Variants in EPC2 observed in about 807,000 individuals in gnomAD.
EPC2 encodes the protein enhancer of polycomb 2.
EPC2 carries 14 observed loss-of-function variants against 92.1 expected under a neutral mutation model. The observed-to-expected ratio is 0.15, with a 90% confidence interval of 0.10 to 0.24. The LOEUF (loss-of-function observed/expected upper bound fraction) is 0.24. Ranked by LOEUF, EPC2 falls within the 10% of genes least tolerant of loss-of-function variation. The pLI is 1.00. For synonymous variants in EPC2, 340 were observed against 334.7 expected, an observed-to-expected ratio of 1.02 and a Z score of -0.17; for missense variants, 755 against 971.5, an observed-to-expected ratio of 0.78 and a Z score of 2.96.
chr2:148,756,560 A>G (rs931032865), intron 4 of EPC2, among the ~76,000 whole-genome samples: 1 of 152,236 alleles, frequency 6.6e-6, no homozygotes, highest in Admixed American at 6.5e-5. Flanking sequence ...ATTTAATTTT[A>G]AGTCGCTGAA....
chr2:148,764,917 A>G (rs747646029), intron 6 of EPC2, 38 bp from the exon 7 acceptor site: 2 of 1,357,786 alleles, frequency 1.5e-6, no homozygotes, highest in East Asian at 2.6e-5. Context: ...AATGATTTTT[A>G]TTTCTTCCTT....
intron 2 of EPC2, among the ~76,000 whole-genome samples, chr2:148,710,352 G>A (rs1682111821): frequency 1.3e-5 from 2 of 152,170 alleles, no homozygotes; most frequent in African/African-American, 2.4e-5. Context: ...GGAAACAACA[G>A]GTGCTGGAGA....
intron 1 of EPC2, among the ~76,000 whole-genome samples, chr2:148,689,545 G>T (rs1558810363): frequency 6.6e-6 from 1 of 152,098 alleles, no homozygotes; most frequent in Non-Finnish European, 1.5e-5. Context: ...TGGGTGGCAT[G>T]ACACGATTTA....
rs145440091 is a variant in EPC2 at position 148,710,928 on chromosome 2, G to A, written c.313+20555G>A. Among the ~76,000 whole-genome samples, 513 of 152,050 alleles carry A rather than the reference G, an allele frequency of 3.4e-3. 2 individuals are homozygous for A. Among genetic ancestry groups the A allele is most frequent in the African/African-American group, 0.012 (486 of 41,502 alleles). ...GTTCCCATATACCTCCTGTATGCACGCATACACACACACAATCTCCCCCAC... is the reference window on the plus strand; with the variant it reads ...GTTCCCATATACCTCCTGTATGCACACATACACACACACAATCTCCCCCAC... On this transcript the variant is annotated intron_variant, in intron 2 of 13. Transcript: ENST00000258484.
At chr2:148,647,708 C>G (rs1683833358) in intron 1 of EPC2, among the ~76,000 whole-genome samples, 1 of 144,914 alleles carries the variant, frequency 6.9e-6, no homozygotes. Flanking sequence ...TCTCAGCTCA[C>G]TGCAACCTTC....
chr2:148,714,179 T>C (rs1454514149), intron 2 of EPC2, among the ~76,000 whole-genome samples: 3 of 152,002 alleles, frequency 2.0e-5, no homozygotes, highest in African/African-American at 7.2e-5. Context: ...TTTCTGTTTC[T>C]GTGTTAGTTT....
chr2:148,770,709 T>A (rs1398297198), intron 8 of EPC2, 83 bp from the exon 9 acceptor site: 1 of 1,379,012 alleles, frequency 7.3e-7, no homozygotes, highest in Non-Finnish European at 9.6e-7. Context: ...TTGCAGTTAC[T>A]TCATGTTTAT....
intron 1 of EPC2, among the ~76,000 whole-genome samples, chr2:148,679,263 C>T (rs1378910765): frequency 1.3e-5 from 2 of 152,148 alleles, no homozygotes; most frequent in African/African-American, 2.4e-5. Context: ...TAACACTCTT[C>T]TCTAGTAAGG....
intron 3 of EPC2, among the ~76,000 whole-genome samples, chr2:148,748,580 C>A (rs1440844033): frequency 6.6e-6 from 1 of 152,082 alleles, no homozygotes; most frequent in African/African-American, 2.4e-5. Flanking sequence ...GATTATTTCA[C>A]ATTTTGGAAT....
At chr2:148,710,907 C>A (rs1682126306) in intron 2 of EPC2, among the ~76,000 whole-genome samples, 1 of 151,692 alleles carries the variant, frequency 6.6e-6, no homozygotes, top group Admixed American at 6.6e-5. Flanking sequence ...AAGAGAGTTC[C>A]CATATACCTC....
chr2:148,766,679 A>T (rs901860844), intron 7 of EPC2, among the ~76,000 whole-genome samples: 17 of 152,234 alleles, frequency 1.1e-4, no homozygotes, highest in Non-Finnish European at 2.5e-4. Context: ...GGAGCACAAA[A>T]CATAGAAGAG....
At position 148,695,902 on chromosome 2, in the gene EPC2, T is replaced by G. The variant is rs781078100; in HGVS notation, c.313+5529T>G. The stretch of plus-strand genomic sequence containing the variant: ...TTTTGTCAGATTTGTGGAGAACACA[T>G]TACAGGTGAAGCTGGATCTCAATTT... On this transcript the variant is annotated intron_variant, in intron 2 of 13. Coordinates refer to ENST00000258484, the MANE Select transcript of EPC2 (RefSeq NM_015630.4). 2.5e-4 allele frequency among the ~76,000 whole-genome samples: 38 copies of G among 152,324 alleles called. 1 individual carries two copies. The highest frequency in any genetic ancestry group is 6.8e-3 in the Middle Eastern group (2 of 294).
At chr2:148,753,357 A>T (rs1314970634) in intron 3 of EPC2, among the ~76,000 whole-genome samples, 1 of 152,336 alleles carries the variant, frequency 6.6e-6, no homozygotes, top group Admixed American at 6.5e-5. Context: ...ATTATTTTAT[A>T]TGTCACTGGT....
intron 1 of EPC2, among the ~76,000 whole-genome samples, chr2:148,657,526 AT>A (rs1372156710): frequency 6.6e-6 from 1 of 152,036 alleles, no homozygotes; most frequent in Non-Finnish European, 1.5e-5. Flanking sequence ...GGGCCTGGGA[AT>A]TTGCATTTTT....
At chr2:148,770,983 G>A in intron 9 of EPC2, 46 bp downstream of exon 9, 1 of 1,598,928 alleles carries the variant, frequency 6.3e-7, no homozygotes. Flanking sequence ...ATCTGGAACA[G>A]AAGACAAAGA....
At chr2:148,776,090 A>G (rs1046958154) in intron 10 of EPC2, among the ~76,000 whole-genome samples, 3 of 151,372 alleles carry the variant, frequency 2.0e-5, no homozygotes, top group Non-Finnish European at 4.4e-5. Flanking sequence ...CAATATGACT[A>G]ATTTCCAAAA....
chr2:148,735,212 T>G (rs1682727392), intron 2 of EPC2, among the ~76,000 whole-genome samples: 1 of 152,082 alleles, frequency 6.6e-6, no homozygotes, highest in African/African-American at 2.4e-5. Flanking sequence ...CATGTTTAAC[T>G]TTAGATACTG....
intron 2 of EPC2, among the ~76,000 whole-genome samples, chr2:148,733,547 G>T (rs1443162214): frequency 8.0e-6 from 1 of 124,610 alleles, no homozygotes; most frequent in Non-Finnish European, 1.6e-5. Flanking sequence ...ACCCAGGCGG[G>T]AGTGCAGTGC....
intron 1 of EPC2, among the ~76,000 whole-genome samples, chr2:148,679,074 A>C (rs954560393): frequency 2.6e-5 from 4 of 152,232 alleles, no homozygotes; most frequent in Non-Finnish European, 4.4e-5. Context: ...TTGAATCCTC[A>C]TATATTAAAG....
Sources: gnomAD v4.1 joint callset for allele counts (sites outside exome capture counted in the v4.1 genomes callset) on GRCh38, gnomAD v4.1.1 for gene constraint, MANE v1.5 for transcripts, NCBI Gene and HGNC (gene_info 2026-07-23, HGNC 2026-07-21) for gene names.